EDNRB: variants seen among roughly 807,000 people sequenced by gnomAD.
The protein encoded by EDNRB is endothelin receptor type B.
Under a neutral mutation model 46.4 loss-of-function variants are expected in EDNRB, and 18 were observed. That is an observed-to-expected ratio of 0.39 (90% CI 0.27 to 0.57). The LOEUF (loss-of-function observed/expected upper bound fraction) is 0.57. EDNRB is among the 20% of genes least tolerant of loss of function. EDNRB has a pLI of 0.61. For synonymous variants in EDNRB, 213 were observed against 204.9 expected, an observed-to-expected ratio of 1.04 and a Z score of -0.34; for missense variants, 434 against 537.5, an observed-to-expected ratio of 0.81 and a Z score of 1.90.
chr13:77,922,236 T>C (rs1287167889), upstream of EDNRB, among the ~76,000 whole-genome samples: 1 of 152,150 alleles, frequency 6.6e-6, no homozygotes, highest in African/African-American at 2.4e-5. Flanking sequence ...AGATCACTTC[T>C]CAAAGTTAGA....
intron 1 of EDNRB, among the ~76,000 whole-genome samples, chr13:77,951,493 T>C (rs1227390213): frequency 6.6e-6 from 1 of 152,118 alleles, no homozygotes; most frequent in Non-Finnish European, 1.5e-5. Context: ...CACAAACTAA[T>C]GGACAGAAAT....
intron 1 of EDNRB, among the ~76,000 whole-genome samples, chr13:77,964,807 TAA>T (rs79034855): frequency 2.1e-5 from 3 of 144,590 alleles, no homozygotes; most frequent in South Asian, 4.4e-4. Flanking sequence ...GAAAACTATA[TAA>T]AAAAAAAAAG....
intron 1 of EDNRB, among the ~76,000 whole-genome samples, chr13:77,974,967 C>G (rs1052919043): frequency 6.6e-6 from 1 of 152,142 alleles, no homozygotes; most frequent in Admixed American, 6.5e-5. Flanking sequence ...AAACACCACG[C>G]TCACACCACA....
In EDNRB at chr13:77,962,148, A is replaced by G. The variant is rs188829094; in HGVS notation, c.-52+13199T>C. ...TTGAGGCAATAATTAATAGCCTACC[A>G]ACCAAAAAACGTCCAGGACCAAATG... is the stretch of plus-strand genomic sequence containing the variant. On this transcript the variant is annotated intron_variant, in intron 1 of 7. Coordinates refer to the EDNRB transcript ENST00000646948. 4.9e-3 allele frequency among the ~76,000 whole-genome samples: 744 copies of G among 152,350 alleles called. 4 individuals are homozygous for G. Among genetic ancestry groups the G allele is most frequent in the Non-Finnish European group, 7.5e-3 (509 of 68,034 alleles).
At chr13:77,957,757 A>C (rs943792326) in intron 1 of EDNRB, among the ~76,000 whole-genome samples, 1 of 152,188 alleles carries the variant, frequency 6.6e-6, no homozygotes. Flanking sequence ...CTCATATCCT[A>C]TGATATATTT....
At chr13:77,955,252 C>T (rs1881202403) in intron 1 of EDNRB, among the ~76,000 whole-genome samples, 1 of 152,052 alleles carries the variant, frequency 6.6e-6, no homozygotes, top group Non-Finnish European at 1.5e-5. Flanking sequence ...TTTCATATAC[C>T]TGTTGACATT....
At chr13:77,915,023 C>G (rs558195730) in intron 1 of EDNRB, among the ~76,000 whole-genome samples, 1 of 152,104 alleles carries the variant, frequency 6.6e-6, no homozygotes, top group South Asian at 2.1e-4. Flanking sequence ...AAAACCCCAC[C>G]AAAAAAATTA....
intron 1 of EDNRB, among the ~76,000 whole-genome samples, chr13:77,933,506 A>C (rs2137656358): frequency 6.6e-6 from 1 of 152,290 alleles, no homozygotes; most frequent in Middle Eastern, 3.4e-3. Flanking sequence ...CAGTTAAGGC[A>C]GGAACAGGCC....
intron 4 of EDNRB, 151 bp from the exon 5 acceptor site, chr13:77,900,805 G>A: frequency 4.0e-6 from 5 of 1,256,690 alleles, no homozygotes; most frequent in South Asian, 4.0e-5. Flanking sequence ...TAGTTAATGT[G>A]AAGTGGAACC....
Position 77,918,365 on chromosome 13 carries a change from T to C in EDNRB, c.209A>G (p.Glu70Gly). ...ASLARSLAPA[E>G]VPKGDRTAGS... ...TGCCGTCCTGTCTCCTTTAGGCACCTCCGCAGGTGCCAACGACCGCGCCAG... is the reference window on the plus strand; with the variant it reads ...TGCCGTCCTGTCTCCTTTAGGCACCCCCGCAGGTGCCAACGACCGCGCCAG... The change falls in exon 1 of 7, where the codon GAG (glutamate) becomes GGG (glycine). Residue 70 changes from glutamate (E) to glycine (G), a missense_variant. By Grantham distance (98) the Glu-to-Gly change is moderately conservative. Transcript: ENST00000646607. This position sits in a 1 kb window ranked among gnomAD's most constrained non-coding sequence, Gnocchi z 4.5. 2 of 1,583,806 alleles carry C rather than the reference T, an allele frequency of 1.3e-6. No individual in the cohort carries two copies. Among genetic ancestry groups the C allele is most frequent in the African/African-American group, 1.4e-5 (1 of 73,714 alleles).
At chr13:77,919,608 T>C (rs1880008161), upstream of EDNRB, 1 of 1,605,762 alleles carries the variant, frequency 6.2e-7, no homozygotes. Context: ...ACAAGTACTT[T>C]TATTCATTCA....
At chr13:77,962,449 C>T (rs1180876282) in intron 1 of EDNRB, among the ~76,000 whole-genome samples, 1 of 150,974 alleles carries the variant, frequency 6.6e-6, no homozygotes, top group Non-Finnish European at 1.5e-5. Context: ...AAGTGGGCTT[C>T]ATCCTGCTGG....
Position 77,918,575 on chromosome 13 carries a change from C to T in EDNRB, c.-2G>A. 6.3e-7 allele frequency: 1 copy of T among 1,591,552 alleles called. No homozygotes were observed. The highest frequency in any genetic ancestry group is 8.5e-7 in the Non-Finnish European group (1 of 1,173,648). On this transcript the variant is annotated 5_prime_UTR_variant, in exon 1 of 7. Transcript: ENST00000646607. This position sits in a 1 kb window ranked among gnomAD's most constrained non-coding sequence, Gnocchi z 4.5. ...GCACAGACTTGGAGGCGGCTGCATG[C>T]TGCTACCTGCTCCAGAAGGCGTCCG...
chr13:77,896,521 A>G lies in EDNRB; in HGVS notation c.*1679T>C, dbSNP rs759557367. On this transcript the variant is annotated 3_prime_UTR_variant, in exon 7 of 7. Coordinates refer to ENST00000646607, the MANE Select transcript of EDNRB (RefSeq NM_001122659.3). ...ACCATCACATTCAATATTGACAGAA[A>G]ACAACATTACTAGCTTATTTCCAAC... 15 of 1,577,478 alleles carry G rather than the reference A, an allele frequency of 9.5e-6. No individual in the cohort carries two copies. The highest frequency in any genetic ancestry group is 1.3e-5 in the Non-Finnish European group (15 of 1,159,458).
intron 1 of EDNRB, among the ~76,000 whole-genome samples, chr13:77,938,586 T>C (rs989080605): frequency 6.6e-6 from 1 of 151,826 alleles, no homozygotes; most frequent in Non-Finnish European, 1.5e-5. Flanking sequence ...GAAACATGGG[T>C]GAATAATCAG....
At chr13:77,973,519 G>A (rs567831469) in intron 1 of EDNRB, among the ~76,000 whole-genome samples, 13 of 151,954 alleles carry the variant, frequency 8.6e-5, no homozygotes, top group East Asian at 7.7e-4. Context: ...AACTTTAGCC[G>A]ATGTTTACAC....
chr13:77,927,788 G>T (rs1323408199), intron 1 of EDNRB, among the ~76,000 whole-genome samples: 1 of 152,180 alleles, frequency 6.6e-6, no homozygotes, highest in African/African-American at 2.4e-5. Context: ...CTCAGGTATT[G>T]ATAAGGTCTG....
chr13:77,950,890 G>A (rs774382530), intron 1 of EDNRB, among the ~76,000 whole-genome samples: 2 of 152,120 alleles, frequency 1.3e-5, no homozygotes, highest in Non-Finnish European at 2.9e-5. Context: ...TTGATGCCAC[G>A]GTTCCCATGA....
chr13:77,949,406 C>T (rs1002164562), intron 1 of EDNRB, among the ~76,000 whole-genome samples: 11 of 152,110 alleles, frequency 7.2e-5, no homozygotes, highest in Admixed American at 3.3e-4. Context: ...GCCAAGACTT[C>T]GCACTGCAGT....
Sources: gnomAD v4.1 joint callset for allele counts (sites outside exome capture counted in the v4.1 genomes callset) on GRCh38, gnomAD v4.1.1 for gene constraint, Gnocchi (gnomAD v3.1) non-coding constraint, MANE v1.5 for transcripts, NCBI Gene and HGNC (gene_info 2026-07-23, HGNC 2026-07-21) for gene names.